DNER: variants seen among roughly 807,000 people sequenced by gnomAD.
The protein encoded by DNER is delta and Notch-like epidermal growth factor-related receptor.
DNER carries 33 observed loss-of-function variants against 78.2 expected under a neutral mutation model. The observed-to-expected ratio is 0.42, with a 90% CI of 0.32 to 0.56. The LOEUF is 0.56. Ranked by LOEUF, DNER falls within the 20% of genes least tolerant of loss-of-function variation. DNER has a pLI of 0.11. For missense variants in DNER, 918 were observed against 975.3 expected (o/e 0.94, Z 0.78); for synonymous variants, 417 against 384.8 (o/e 1.08, Z -0.98).
In DNER at chr2:229,512,777, T is replaced by A. The variant is rs767598147; in HGVS notation, c.1147+6A>T. 21 of 1,613,972 alleles carry A rather than the reference T, an allele frequency of 1.3e-5. No homozygotes were observed. Among genetic ancestry groups the A allele is most frequent in the Non-Finnish European group, 1.7e-5 (20 of 1,179,950 alleles). Reference sequence around the variant, plus strand: ...CTAATAACTGAACCATGAGTATGTGTCGTACCAGGAAGGCAAACACAGGTG... The same window carrying A: ...CTAATAACTGAACCATGAGTATGTGACGTACCAGGAAGGCAAACACAGGTG... On this transcript the variant is annotated splice_donor_region_variant and intron_variant, in intron 6 of 12. Coordinates refer to ENST00000341772, the MANE Select transcript of DNER (RefSeq NM_139072.4).
intron 5 of DNER, among the ~76,000 whole-genome samples, chr2:229,532,848 C>G (rs962434923): frequency 1.3e-5 from 2 of 152,196 alleles, no homozygotes; most frequent in Admixed American, 6.5e-5. Context: ...AACCTGGCCC[C>G]CTGTGGGCTG....
chr2:229,705,829 G>A lies in DNER; in HGVS notation c.276+8319C>T, dbSNP rs547191432. Among the ~76,000 whole-genome samples the A allele has an allele frequency of 5.9e-5, 9 of 152,296 alleles. No individual in the cohort carries two copies. In the South Asian group the frequency reaches 1.9e-3, roughly 32 times the overall value. The stretch of plus-strand genomic sequence containing the variant: ...CAATGATTGAGGAAACGGGGTTTAG[G>A]AAAGCTGATAAGCCTGTAGTAACTC... On this transcript the variant is annotated intron_variant, in intron 1 of 12. Transcript: ENST00000341772.
At chr2:229,437,383 C>A (rs1045880451) in intron 8 of DNER, among the ~76,000 whole-genome samples, 1 of 152,120 alleles carries the variant, frequency 6.6e-6, no homozygotes, top group African/African-American at 2.4e-5. Flanking sequence ...TCACAGTGTG[C>A]TTTCAAACTG....
At chr2:229,571,105 G>A (rs1056719848) in intron 4 of DNER, among the ~76,000 whole-genome samples, 12 of 152,158 alleles carry the variant, frequency 7.9e-5, no homozygotes, top group African/African-American at 2.7e-4. Flanking sequence ...AGAGAGGCTG[G>A]GGGTTGGGCC....
chr2:229,401,229 G>A (rs1693260019), intron 10 of DNER, among the ~76,000 whole-genome samples: 1 of 151,952 alleles, frequency 6.6e-6, no homozygotes, highest in Non-Finnish European at 1.5e-5. Flanking sequence ...CGTTGGTGGG[G>A]AATATAAAAT....
chr2:229,365,361 T>C (rs1275536862), intron 12 of DNER, among the ~76,000 whole-genome samples: 2 of 152,126 alleles, frequency 1.3e-5, no homozygotes, highest in African/African-American at 4.8e-5. Flanking sequence ...AAGTCCTTGA[T>C]GGAAACAAGA....
At chr2:229,619,811 A>G (rs1335029277) in intron 1 of DNER, among the ~76,000 whole-genome samples, 1 of 152,202 alleles carries the variant, frequency 6.6e-6, no homozygotes, top group East Asian at 1.9e-4. Flanking sequence ...TAGTGAATAT[A>G]AACTTACTAC....
intron 1 of DNER, among the ~76,000 whole-genome samples, chr2:229,680,209 G>A (rs1022049112): frequency 1.4e-4 from 21 of 152,046 alleles, no homozygotes; most frequent in African/African-American, 5.1e-4. Flanking sequence ...TCAACATATG[G>A]TCCCGGGTAT....
rs188176199 is a variant in DNER at position 229,358,347 on chromosome 2, C to T, written c.*193G>A. ...GAGAGCTGAAGGTACATTAAAACAT[C>T]GTCTATAGGTTTCACAAATTTTGTT... On this transcript the variant is annotated 3_prime_UTR_variant, in exon 13 of 13. Coordinates refer to ENST00000341772, the MANE Select transcript of DNER (RefSeq NM_139072.4). 9.2e-6 allele frequency: 4 copies of T among 434,066 alleles called. No homozygotes were observed. Among genetic ancestry groups the T allele is most frequent in the African/African-American group, 2.0e-5 (1 of 49,760 alleles). The allele number at this position is 434,066 out of a possible 1,614,324, so 26.9% of individuals were successfully genotyped here. A position where few individuals can be genotyped will look rare whatever the true frequency, so the allele number is the denominator to read the frequency against.
At position 229,418,099 on chromosome 2, in the gene DNER, G is replaced by C; in HGVS notation, c.1609+9C>G. On this transcript the variant is annotated intron_variant, in intron 9 of 12. Coordinates refer to ENST00000341772, the MANE Select transcript of DNER (RefSeq NM_139072.4). Reference sequence around the variant, plus strand: ...CATTCTGGCACAGGAAGGCCAGGCGGCCTCTCACCTTTGTATTCTGCCAGG... The same window carrying C: ...CATTCTGGCACAGGAAGGCCAGGCGCCCTCTCACCTTTGTATTCTGCCAGG... 6.2e-7 allele frequency: 1 copy of C among 1,614,094 alleles called. No homozygotes were observed. Among genetic ancestry groups the C allele is most frequent in the Non-Finnish European group, 8.5e-7 (1 of 1,179,990 alleles).
At chr2:229,436,828 G>A (rs1202233400) in intron 8 of DNER, among the ~76,000 whole-genome samples, 6 of 152,082 alleles carry the variant, frequency 3.9e-5, no homozygotes, top group Non-Finnish European at 8.8e-5. Context: ...GACCATTACC[G>A]GCCACTACAA....
intron 12 of DNER, among the ~76,000 whole-genome samples, chr2:229,362,442 G>T (rs1272211525): frequency 2.6e-5 from 4 of 152,148 alleles, no homozygotes; most frequent in Non-Finnish European, 5.9e-5. Flanking sequence ...CTGACAAGAG[G>T]CTATGTACTT....
chr2:229,508,169 C>T lies in DNER; in HGVS notation c.1147+4614G>A, dbSNP rs915129627. 7.9e-5 allele frequency among the ~76,000 whole-genome samples: 12 copies of T among 152,134 alleles called. No individual in the cohort carries two copies. In the South Asian group the frequency reaches 1.2e-3, roughly 16 times the overall value. ...CAGACATTAAGAACTCTGACACTAC[C>T]AAATGCTGAAGAAGATGTGAGTCTA... On this transcript the variant is annotated intron_variant, in intron 6 of 12. Coordinates refer to ENST00000341772, the MANE Select transcript of DNER (RefSeq NM_139072.4).
intron 5 of DNER, among the ~76,000 whole-genome samples, chr2:229,540,587 C>G (rs1696492186): frequency 6.6e-6 from 1 of 152,200 alleles, no homozygotes; most frequent in Admixed American, 6.5e-5. Context: ...GACAAAGTAA[C>G]TGGTTCGAGT....
intron 8 of DNER, among the ~76,000 whole-genome samples, chr2:229,442,175 T>C (rs1043818660): frequency 6.6e-6 from 1 of 152,054 alleles, no homozygotes; most frequent in Non-Finnish European, 1.5e-5. Context: ...CTCTCAAGAA[T>C]AGTGTGATAT....
At chr2:229,503,499 CAG>C (rs1157313370) in intron 6 of DNER, among the ~76,000 whole-genome samples, 2 of 152,150 alleles carry the variant, frequency 1.3e-5, no homozygotes, top group African/African-American at 4.8e-5. Context: ...GAAAGAGTCT[CAG>C]AGCAAGAGAC....
At chr2:229,371,779 T>C (rs1338887493) in intron 11 of DNER, among the ~76,000 whole-genome samples, 2 of 152,244 alleles carry the variant, frequency 1.3e-5, no homozygotes, top group African/African-American at 4.8e-5. Context: ...GTAGCTACAC[T>C]AGTTAATTTG....
intron 4 of DNER, among the ~76,000 whole-genome samples, chr2:229,547,592 C>T (rs944296553): frequency 3.3e-5 from 5 of 152,318 alleles, no homozygotes; most frequent in Non-Finnish European, 7.4e-5. Flanking sequence ...GCCCTAGTCT[C>T]GGTCCCCTTG....
chr2:229,576,562 T>G (rs1697305543), intron 4 of DNER, among the ~76,000 whole-genome samples: 2 of 152,196 alleles, frequency 1.3e-5, no homozygotes, highest in African/African-American at 4.8e-5. Flanking sequence ...GTCATCATGG[T>G]TGCAAGGAGC....
Sources: allele counts gnomAD v4.1 joint callset (sites outside exome capture counted in the v4.1 genomes callset), GRCh38; gene constraint gnomAD v4.1.1; transcripts MANE v1.5; gene names NCBI Gene and HGNC (gene_info 2026-07-23, HGNC 2026-07-21).